Variants in SYNPR observed in about 807,000 individuals in gnomAD.
The protein encoded by SYNPR is synaptoporin.
SYNPR carries 23 observed loss-of-function variants against 32.9 expected under a neutral mutation model. The observed-to-expected ratio is 0.70, with a 90% CI of 0.50 to 0.99. The LOEUF (loss-of-function observed/expected upper bound fraction) is 0.99, where lower values mean the gene tolerates loss of function less well. Among genes scored for constraint, SYNPR ranks in the 50% least tolerant of loss-of-function variants. SYNPR has a pLI of 0.00. For missense variants in SYNPR, 318 were observed against 349.3 expected, an observed-to-expected ratio of 0.91 and a Z score of 0.71; for synonymous variants, 146 against 135.9, an observed-to-expected ratio of 1.07 and a Z score of -0.52.
At chr3:63,410,383 A>G (rs2088446214) in intron 2 of SYNPR, among the ~76,000 whole-genome samples, 1 of 152,188 alleles carries the variant, frequency 6.6e-6, no homozygotes, top group Non-Finnish European at 1.5e-5. Flanking sequence ...CATAGAGTTT[A>G]CAATTGGTTT....
intron 2 of SYNPR, among the ~76,000 whole-genome samples, chr3:63,473,709 A>T (rs935689404): frequency 6.6e-6 from 1 of 152,182 alleles, no homozygotes; most frequent in African/African-American, 2.4e-5. Flanking sequence ...GATGAGAAGA[A>T]ACCCTTCGTG....
chr3:63,344,386 C>T (rs1414681943), intron 2 of SYNPR, among the ~76,000 whole-genome samples: 2 of 151,886 alleles, frequency 1.3e-5, no homozygotes, highest in African/African-American at 4.8e-5. Context: ...GCTTTTTTTT[C>T]TTAATTTTAA....
At chr3:63,495,797 G>A (rs940507780) in intron 3 of SYNPR, among the ~76,000 whole-genome samples, 1 of 152,042 alleles carries the variant, frequency 6.6e-6, no homozygotes, top group Non-Finnish European at 1.5e-5. Context: ...GGGAGATGTG[G>A]GGTGTGGAAG....
At chr3:63,278,857 A>C in intron 2 of SYNPR, 115 bp downstream of exon 2, 1 of 1,196,242 alleles carries the variant, frequency 8.4e-7, no homozygotes. Flanking sequence ...TTCAACCCTC[A>C]AGCCGGGGAT....
intron 1 of SYNPR, among the ~76,000 whole-genome samples, chr3:63,238,128 G>A (rs2086213000): frequency 6.6e-6 from 1 of 152,000 alleles, no homozygotes; most frequent in African/African-American, 2.4e-5. Context: ...TGACACCCTG[G>A]TACTATGTAG....
chr3:63,540,971 T>A (rs1702292403), intron 3 of SYNPR, among the ~76,000 whole-genome samples: 1 of 114,470 alleles, frequency 8.7e-6, no homozygotes, highest in South Asian at 2.7e-4. Context: ...ATATACATAG[T>A]ACCTGACTGC....
At chr3:63,363,334 C>G (rs1467583376) in intron 2 of SYNPR, among the ~76,000 whole-genome samples, 1 of 152,164 alleles carries the variant, frequency 6.6e-6, no homozygotes, top group Non-Finnish European at 1.5e-5. Context: ...TATGCATAAT[C>G]TCTCTTGCAT....
the SYNPR span, among the ~76,000 whole-genome samples, chr3:63,206,437 T>G: frequency 6.6e-6 from 1 of 152,102 alleles, no homozygotes; most frequent in Non-Finnish European, 1.5e-5. Flanking sequence ...ACATGGTGCC[T>G]GTAGTCCCAG....
chr3:63,378,697 G>A (rs769851237), intron 2 of SYNPR, among the ~76,000 whole-genome samples: 7 of 151,802 alleles, frequency 4.6e-5, no homozygotes, highest in East Asian at 1.9e-4. Flanking sequence ...TCCTCTTGAC[G>A]TCTGCAGGGT....
intron 2 of SYNPR, among the ~76,000 whole-genome samples, chr3:63,286,309 T>C (rs1280544345): frequency 1.3e-5 from 2 of 152,170 alleles, no homozygotes; most frequent in African/African-American, 4.8e-5. Flanking sequence ...TGTGAAGAGA[T>C]ACTTTTCCTG....
intron 2 of SYNPR, among the ~76,000 whole-genome samples, chr3:63,341,250 T>C (rs894182640): frequency 2.0e-5 from 3 of 152,228 alleles, no homozygotes; most frequent in Non-Finnish European, 2.9e-5. Flanking sequence ...AAATATTCCA[T>C]TGTATGGATG....
chr3:63,268,680 G>C (rs1195140408), intron 3 of SYNPR, among the ~76,000 whole-genome samples: 1 of 139,916 alleles, frequency 7.1e-6, no homozygotes, highest in African/African-American at 2.8e-5. Flanking sequence ...AGGAGGAAGA[G>C]GAGGGGTTGA....
chr3:63,613,610 C>CAAAA (rs10566584), intron 5 of SYNPR, among the ~76,000 whole-genome samples: 1,192 of 46,038 alleles, frequency 0.026, 222 homozygotes, highest in Non-Finnish European at 0.033. Context: ...TATGCTGCAG[C>CAAAA]AAAAAAAAAA....
At chr3:63,477,552 C>G (rs560329539) in intron 2 of SYNPR, among the ~76,000 whole-genome samples, 14 of 152,212 alleles carry the variant, frequency 9.2e-5, no homozygotes, top group African/African-American at 3.1e-4. Context: ...TATTCAGCAG[C>G]TCTCTCATCA....
intron 2 of SYNPR, among the ~76,000 whole-genome samples, chr3:63,339,543 T>C (rs2087336894): frequency 1.3e-5 from 2 of 152,196 alleles, no homozygotes; most frequent in African/African-American, 4.8e-5. Flanking sequence ...CAATTTTACT[T>C]GTATTAATTT....
intron 4 of SYNPR, among the ~76,000 whole-genome samples, chr3:63,607,561 A>G (rs1700141958): frequency 6.6e-6 from 1 of 152,230 alleles, no homozygotes; most frequent in Admixed American, 6.5e-5. Context: ...AAAAGTAAAA[A>G]GAAGAAAGGG....
intron 2 of SYNPR, among the ~76,000 whole-genome samples, chr3:63,347,850 G>A (rs866169839): frequency 4.0e-5 from 6 of 151,446 alleles, no homozygotes; most frequent in South Asian, 4.2e-4. Flanking sequence ...GTGTGTCTGC[G>A]TGTGTATGGC....
At chr3:63,526,536 CATT>C (rs955582498) in intron 3 of SYNPR, among the ~76,000 whole-genome samples, 1 of 152,066 alleles carries the variant, frequency 6.6e-6, no homozygotes, top group African/African-American at 2.4e-5. Flanking sequence ...GTTTTATTCT[CATT>C]GTATTAAGGT....
chr3:63,447,998 ATATT>A (rs369985539), intron 2 of SYNPR, among the ~76,000 whole-genome samples: 2 of 151,742 alleles, frequency 1.3e-5, no homozygotes, highest in African/African-American at 4.8e-5. Context: ...TGCCTACAGA[ATATT>A]TATTTATTTA....
Sources: gnomAD v4.1 joint callset for allele counts (sites outside exome capture counted in the v4.1 genomes callset) on GRCh38, gnomAD v4.1.1 for gene constraint, MANE v1.5 for transcripts, NCBI Gene and HGNC (gene_info 2026-07-23, HGNC 2026-07-21) for gene names.